Variants in COL20A1 observed in about 807,000 individuals in gnomAD.
COL20A1 encodes collagen alpha-1(XX) chain.
Under a neutral mutation model 152.9 loss-of-function variants are expected in COL20A1, and 164 were observed. That is an observed-to-expected ratio of 1.07 (90% CI 0.94 to 1.22). The LOEUF (loss-of-function observed/expected upper bound fraction) is 1.22, where lower values mean the gene tolerates loss of function less well. Among genes scored for constraint, COL20A1 ranks in the 50% most tolerant of loss-of-function variants. COL20A1 has a pLI of 0.00. For missense variants in COL20A1, 1,873 were observed against 1,744.8 expected (o/e 1.07, Z -1.31); for synonymous variants, 864 against 756.0 (o/e 1.14, Z -2.34).
chr20:63,313,819 G>A lies in COL20A1; in HGVS notation c.2286G>A (p.Thr762=), dbSNP rs1055660384. The A allele has an allele frequency of 8.7e-6, 14 of 1,610,916 alleles. No homozygotes were observed. Among genetic ancestry groups the A allele is most frequent in the Admixed American group, 5.0e-5 (3 of 59,814 alleles). The part of the protein sequence containing the change: ...ETPDSLQVSW[T]PPLGRVLHYW... The stretch of plus-strand genomic sequence containing the variant: ...CCGACAGCCTGCAGGTCAGCTGGAC[G>A]CCCCCGCTTGGCCGCGTGCTCCATT... The change falls in exon 18 of 36, where the codon ACG becomes ACA. Residue 762 remains threonine (T), a synonymous_variant. Transcript: ENST00000358894. This position sits in a 1 kb window ranked among gnomAD's most constrained non-coding sequence, Gnocchi z 5.9.
chr20:63,308,868 G>A (rs985761554), intron 8 of COL20A1, among the ~76,000 whole-genome samples, 162 bp downstream of exon 8: 9 of 152,222 alleles, frequency 5.9e-5, no homozygotes, highest in South Asian at 2.1e-4. Flanking sequence ...ACTCAGAGGC[G>A]ATGGCACAGG....
At chr20:63,315,985 C>T (rs909391666) in intron 20 of COL20A1, among the ~76,000 whole-genome samples, 4 of 152,208 alleles carry the variant, frequency 2.6e-5, no homozygotes, top group Admixed American at 6.5e-5. Context: ...GCTGGGGCTT[C>T]GAGGGTGGTG....
chr20:63,326,393 G>A lies in COL20A1; in HGVS notation c.3456+244G>A, dbSNP rs564974325. 2.0e-5 allele frequency among the ~76,000 whole-genome samples: 3 copies of A among 152,330 alleles called. No individual in the cohort carries two copies. The East Asian group carries it at 5.8e-4, about 29-fold the overall frequency. Reference sequence around the variant, plus strand: ...GACTCAGTTCCTGGGAGACCTTGGAGGGGGGTCTCCTGGCATCGGCCTCGG... The same window carrying A: ...GACTCAGTTCCTGGGAGACCTTGGAAGGGGGTCTCCTGGCATCGGCCTCGG... On this transcript the variant is annotated intron_variant, in intron 30 of 35. Coordinates refer to ENST00000358894, the MANE Select transcript of COL20A1 (RefSeq NM_020882.4).
intron 3 of COL20A1, among the ~76,000 whole-genome samples, chr20:63,302,793 C>T (rs1231135050): frequency 6.6e-6 from 1 of 152,184 alleles, no homozygotes; most frequent in African/African-American, 2.4e-5. Flanking sequence ...GTCGAACTTC[C>T]CACTTTCTTC....
rs1422812805 is a variant in COL20A1, at chr20:63,331,632, T to G, written c.*916T>G. The G allele has an allele frequency of 6.6e-6, 1 of 152,232 alleles. No homozygotes were observed. Among genetic ancestry groups the G allele is most frequent in the Non-Finnish European group, 1.5e-5 (1 of 68,060 alleles). 9.4% of individuals were successfully genotyped at this position (152,232 alleles called of 1,614,324 possible). A position where few individuals can be genotyped will look rare whatever the true frequency, so the allele number is the denominator to read the frequency against. ...GCAAGCTCAGAACACACACCTGGGCTTCTGGGCCTTGTGGCCCGTGGGGGT... is the reference window on the plus strand; with the variant it reads ...GCAAGCTCAGAACACACACCTGGGCGTCTGGGCCTTGTGGCCCGTGGGGGT... On this transcript the variant is annotated 3_prime_UTR_variant, in exon 36 of 36. Transcript: ENST00000358894.
chr20:63,307,723 C>T, intron 6 of COL20A1, 75 bp downstream of exon 6: 1 of 1,507,286 alleles, frequency 6.6e-7, no homozygotes, highest in Non-Finnish European at 9.0e-7. Context: ...AGGCTGTGAC[C>T]TGTGGGGGTC....
rs1158490861 is a variant in COL20A1 at position 63,305,557 on chromosome 20, G to A, written c.334G>A (p.Val112Met). 1 of 1,594,122 alleles carries A rather than the reference G, an allele frequency of 6.3e-7. No homozygotes were observed. The highest frequency in any genetic ancestry group is 8.5e-7 in the Non-Finnish European group (1 of 1,171,822). Reference protein sequence around the residue: ...GRFLLARREFVIEDLKSSSLD... With the variant: ...GRFLLARREFMIEDLKSSSLD... ...CTTCCTGCTAGCTCGGAGGGAGTTT[G>A]TGAGTAAGTCCACCGTCTGCCAGCT... The change falls in exon 4 of 36, where the codon GTG becomes ATG. Residue 112 changes from valine to methionine, a missense_variant. Physicochemically the swap from Val to Met is conservative, Grantham distance 21 (BLOSUM62 1). Coordinates refer to ENST00000358894, the MANE Select transcript of COL20A1 (RefSeq NM_020882.4). The surrounding 1 kb of genome is among the most constrained non-coding windows in gnomAD (Gnocchi z 4.9).
At chr20:63,326,464 T>C (rs6089885) in intron 30 of COL20A1, among the ~76,000 whole-genome samples, 6,513 of 152,242 alleles carry the variant, frequency 0.043, 486 homozygotes, top group African/African-American at 0.15. Context: ...AGCGCCACTT[T>C]AGGGGAAGCC....
At chr20:63,296,642 G>A (rs1009677366) in intron 2 of COL20A1, among the ~76,000 whole-genome samples, 5 of 152,220 alleles carry the variant, frequency 3.3e-5, no homozygotes, top group African/African-American at 4.8e-5. Flanking sequence ...GCTGGGGAAG[G>A]GGTCCCTGAC....
chr20:63,297,777 T>C (rs951671558), intron 2 of COL20A1, 133 bp from the exon 3 acceptor site: 3 of 662,066 alleles, frequency 4.5e-6, no homozygotes, highest in Non-Finnish European at 7.6e-6. Context: ...GGTGGGCTTC[T>C]GTCTCTTCGG....
At chr20:63,310,243 A>G (rs1011307126) in intron 10 of COL20A1, 138 bp from the exon 11 acceptor site, 76 of 891,178 alleles carry the variant, frequency 8.5e-5, no homozygotes, top group Non-Finnish European at 1.2e-4. Flanking sequence ...TCGTAGGTAC[A>G]GGGAGCCCAG....
At chr20:63,309,298 G>C in intron 8 of COL20A1, 35 bp from the exon 9 acceptor site, 2 of 1,418,114 alleles carry the variant, frequency 1.4e-6, no homozygotes, top group South Asian at 1.7e-5. Context: ...GGTGACCCCA[G>C]TGCAGGCCAA....
At chr20:63,299,679 A>G (rs941965816) in intron 3 of COL20A1, among the ~76,000 whole-genome samples, 4 of 152,070 alleles carry the variant, frequency 2.6e-5, no homozygotes, top group African/African-American at 7.2e-5. Flanking sequence ...TGCTGTTCCT[A>G]CGTAAGGCTG....
At position 63,316,547 on chromosome 20, in the gene COL20A1, C is replaced by T; in HGVS notation, c.2525-6C>T. 6.3e-7 allele frequency: 1 copy of T among 1,586,066 alleles called. No homozygotes were observed. Among genetic ancestry groups the T allele is most frequent in the Admixed American group, 1.8e-5 (1 of 55,654 alleles). On this transcript the variant is annotated splice_region_variant and splice_polypyrimidine_tract_variant and intron_variant, in intron 20 of 35. Coordinates refer to ENST00000358894, the MANE Select transcript of COL20A1 (RefSeq NM_020882.4). ...TCGGTGCCCCTTCCCCCACCATCTT[C>T]CCCAGGGTTTGACCTGATGGTGGCC...
intron 35 of COL20A1, 101 bp downstream of exon 35, chr20:63,329,762 G>T: frequency 2.4e-6 from 2 of 830,332 alleles, no homozygotes; most frequent in Non-Finnish European, 3.6e-6. Flanking sequence ...TGTCCAGGGT[G>T]GGGTGCTGGG....
At chr20:63,317,225 C>T (rs2068096050) in intron 21 of COL20A1, among the ~76,000 whole-genome samples, 1 of 152,158 alleles carries the variant, frequency 6.6e-6, no homozygotes, top group Non-Finnish European at 1.5e-5. Context: ...TGCACACCTG[C>T]AGTCCCAGCT....
chr20:63,300,367 T>C (rs2067849766), intron 3 of COL20A1, among the ~76,000 whole-genome samples: 1 of 152,180 alleles, frequency 6.6e-6, no homozygotes, highest in Non-Finnish European at 1.5e-5. Context: ...GTGTAAATAC[T>C]TCACATAATT....
At position 63,329,571 on chromosome 20, in the gene COL20A1, C is replaced by T. The variant is rs6011739; in HGVS notation, c.3782-14C>T. On this transcript the variant is annotated splice_polypyrimidine_tract_variant and intron_variant, in intron 34 of 35. Transcript: ENST00000358894. Reference sequence around the variant, plus strand: ...GCATTGCTCCGTCCTCACATGCCCTCCCTTTCCTCGCAGGGGAGCCTGGAG... The same window carrying T: ...GCATTGCTCCGTCCTCACATGCCCTTCCTTTCCTCGCAGGGGAGCCTGGAG... 13,013 of 1,606,866 alleles carry T rather than the reference C, an allele frequency of 8.1e-3. 759 individuals are homozygous for T. The African/African-American group carries it at 0.14, about 17-fold the overall frequency.
chr20:63,293,505 G>T (rs1252136821), intron 1 of COL20A1, among the ~76,000 whole-genome samples: 1 of 152,188 alleles, frequency 6.6e-6, no homozygotes, highest in African/African-American at 2.4e-5. Flanking sequence ...CCCTTCTGGG[G>T]GTCTCAGACA....
Sources: gnomAD v4.1 joint callset for allele counts (sites outside exome capture counted in the v4.1 genomes callset) on GRCh38, gnomAD v4.1.1 for gene constraint, Gnocchi (gnomAD v3.1) non-coding constraint, MANE v1.5 for transcripts, NCBI Gene and HGNC (gene_info 2026-07-23, HGNC 2026-07-21) for gene names.